The following HERC3 variants were observed in gnomAD, a reference collection of about 807,000 sequenced individuals.
HERC3 encodes HECT and RLD domain containing E3 ubiquitin protein ligase 3, also known as probable E3 ubiquitin-protein ligase HERC3.
A neutral mutation model predicts 129.9 loss-of-function variants in HERC3; 58 were observed. That is an observed-to-expected ratio of 0.45 (90% CI 0.36 to 0.56). The LOEUF (loss-of-function observed/expected upper bound fraction) is 0.56. Ranked by LOEUF, HERC3 falls within the 20% of genes least tolerant of loss-of-function variation. The pLI is 0.00. For missense variants in HERC3, 835 were observed against 1,244.2 expected, an observed-to-expected ratio of 0.67 and a Z score of 4.95; for synonymous variants, 430 against 451.0, an observed-to-expected ratio of 0.95 and a Z score of 0.59.
chr4:88,549,890 C>G, the HERC3 span, among the ~76,000 whole-genome samples: 2 of 152,084 alleles, frequency 1.3e-5, no homozygotes, highest in Non-Finnish European at 2.9e-5. Flanking sequence ...AGCAGCCAGC[C>G]TGCGGATGTG....
chr4:88,683,130 A>T (rs1041977005), intron 21 of HERC3, among the ~76,000 whole-genome samples: 1 of 151,808 alleles, frequency 6.6e-6, no homozygotes, highest in Non-Finnish European at 1.5e-5. Context: ...TCTTTTGAGA[A>T]GTGTCTGTTC....
At chr4:88,624,892 A>G (rs917811557) in intron 3 of HERC3, among the ~76,000 whole-genome samples, 1 of 152,146 alleles carries the variant, frequency 6.6e-6, no homozygotes, top group Non-Finnish European at 1.5e-5. Flanking sequence ...AGGTGATATA[A>G]TGGTCAAGGT....
intron 1 of HERC3, among the ~76,000 whole-genome samples, chr4:88,594,267 C>G (rs555447056): frequency 1.2e-3 from 178 of 152,260 alleles, no homozygotes; most frequent in African/African-American, 3.3e-3. Context: ...CAATTAAAAA[C>G]TTTTTTTATA....
chr4:88,562,143 C>T, the HERC3 span, among the ~76,000 whole-genome samples: 2 of 152,048 alleles, frequency 1.3e-5, no homozygotes, highest in African/African-American at 4.8e-5. Flanking sequence ...TTTTCTACAC[C>T]CTCACCCCAG....
chr4:88,549,530 G>GT, the HERC3 span, among the ~76,000 whole-genome samples: 1 of 151,848 alleles, frequency 6.6e-6, no homozygotes, highest in African/African-American at 2.4e-5. Flanking sequence ...TGAACTCATT[G>GT]TTTTTTTCCC....
chr4:88,701,689 A>C (rs1276735337), intron 23 of HERC3, among the ~76,000 whole-genome samples: 1 of 152,074 alleles, frequency 6.6e-6, no homozygotes, highest in African/African-American at 2.4e-5. Flanking sequence ...ACATACCCTT[A>C]ATTCCATTCC....
the HERC3 span, among the ~76,000 whole-genome samples, chr4:88,551,123 C>T: frequency 6.6e-6 from 1 of 150,718 alleles, no homozygotes; most frequent in East Asian, 1.9e-4. Context: ...ACACCTTATA[C>T]AAAAATTAAT....
At chr4:88,558,448 T>A in the HERC3 span, among the ~76,000 whole-genome samples, 5 of 152,182 alleles carry the variant, frequency 3.3e-5, no homozygotes, top group South Asian at 1.0e-3. Flanking sequence ...GGAGCTAAGC[T>A]ATGAGGATGC....
chr4:88,636,939 G>A (rs1185573704), intron 3 of HERC3, among the ~76,000 whole-genome samples: 1 of 152,022 alleles, frequency 6.6e-6, no homozygotes, highest in Admixed American at 6.5e-5. Flanking sequence ...AGTTCAGCCT[G>A]GGCAAAACAG....
intron 2 of HERC3, among the ~76,000 whole-genome samples, 195 bp downstream of exon 2, chr4:88,595,809 T>A (rs1187183553): frequency 6.7e-6 from 1 of 149,728 alleles, no homozygotes; most frequent in Non-Finnish European, 1.5e-5. Context: ...GTAGGAGACC[T>A]GGTTTCTGGT....
intron 3 of HERC3, among the ~76,000 whole-genome samples, chr4:88,643,241 G>T (rs761703663): frequency 2.0e-5 from 3 of 152,144 alleles, no homozygotes; most frequent in Admixed American, 6.6e-5. Context: ...CCAAGACCTC[G>T]TAACTGTAGA....
chr4:88,544,685 ATAGAC>A, the HERC3 span, among the ~76,000 whole-genome samples: 1 of 152,258 alleles, frequency 6.6e-6, no homozygotes, highest in Non-Finnish European at 1.5e-5. Context: ...TCCATCAATG[ATAGAC>A]TGGATTAAGA....
chr4:88,643,828 T>G (rs1039377670), intron 3 of HERC3, among the ~76,000 whole-genome samples: 11 of 152,142 alleles, frequency 7.2e-5, no homozygotes, highest in Admixed American at 5.2e-4. Context: ...TAACCTGAGG[T>G]TAGGCAGAGA....
At chr4:88,557,439 C>G in the HERC3 span, among the ~76,000 whole-genome samples, 2 of 152,164 alleles carry the variant, frequency 1.3e-5, no homozygotes, top group Non-Finnish European at 2.9e-5. Context: ...CATGAATCAT[C>G]TAGATTCCTA....
chr4:88,706,500 A>G (rs1398643785), intron 25 of HERC3, among the ~76,000 whole-genome samples: 1 of 152,108 alleles, frequency 6.6e-6, no homozygotes, highest in Non-Finnish European at 1.5e-5. Context: ...CTCTTTTCCT[A>G]TGACAGCAAT....
chr4:88,622,135 G>T (rs1315508008), intron 3 of HERC3, among the ~76,000 whole-genome samples: 1 of 152,134 alleles, frequency 6.6e-6, no homozygotes, highest in African/African-American at 2.4e-5. Flanking sequence ...ATACACATTA[G>T]CAGTCACTTA....
rs538064073 is a variant in HERC3, at chr4:88,685,482, C to T, written c.2508-1254C>T. Reference sequence around the variant, plus strand: ...TGAAGCTGGAAGCCATCATTCTTAGCAAGCTAACACAGGAACAGAAAACCA... The same window carrying T: ...TGAAGCTGGAAGCCATCATTCTTAGTAAGCTAACACAGGAACAGAAAACCA... On this transcript the variant is annotated intron_variant, in intron 21 of 25. Coordinates refer to ENST00000402738, the MANE Select transcript of HERC3 (RefSeq NM_014606.3). Among the ~76,000 whole-genome samples the T allele has an allele frequency of 7.2e-5, 11 of 152,254 alleles. No individual in the cohort carries two copies. The East Asian group carries it at 1.9e-3, about 27-fold the overall frequency.
chr4:88,533,930 A>G, the HERC3 span, among the ~76,000 whole-genome samples: 1 of 151,980 alleles, frequency 6.6e-6, no homozygotes, highest in Non-Finnish European at 1.5e-5. Context: ...ACTATCACCC[A>G]GGTTTCTTAG....
the HERC3 span, among the ~76,000 whole-genome samples, chr4:88,529,070 TAAC>T: frequency 2.6e-5 from 4 of 152,104 alleles, no homozygotes; most frequent in African/African-American, 9.7e-5. Context: ...TAAAAACTCA[TAAC>T]AACACAGAAA....
Sources: allele counts gnomAD v4.1 joint callset (sites outside exome capture counted in the v4.1 genomes callset), GRCh38; gene constraint gnomAD v4.1.1; transcripts MANE v1.5; gene names NCBI Gene and HGNC (gene_info 2026-07-23, HGNC 2026-07-21).